LDLRAD4: variants seen among roughly 807,000 people sequenced by gnomAD.
LDLRAD4 encodes the protein low density lipoprotein receptor class A domain containing 4, also known as low-density lipoprotein receptor class A domain-containing protein 4.
A neutral mutation model predicts 17.0 loss-of-function variants in LDLRAD4; 5 were observed. That is an observed-to-expected ratio of 0.29 (90% confidence interval 0.15 to 0.62). The LOEUF (loss-of-function observed/expected upper bound fraction) is 0.62, where lower values mean the gene tolerates loss of function less well. LDLRAD4 is among the 20% of genes least tolerant of loss of function. The pLI is 0.84. For missense variants in LDLRAD4, 340 were observed against 424.7 expected (o/e 0.80, Z 1.75); for synonymous variants, 168 against 171.8 (o/e 0.98, Z 0.17).
At chr18:13,601,569 G>A (rs2095162068) in intron 3 of LDLRAD4, among the ~76,000 whole-genome samples, 1 of 151,514 alleles carries the variant, frequency 6.6e-6, no homozygotes, top group Admixed American at 6.6e-5. Flanking sequence ...CAGGAGAATG[G>A]CATGAACCCG....
At chr18:13,473,630 C>T (rs1323880434) in intron 3 of LDLRAD4, among the ~76,000 whole-genome samples, 1 of 85,282 alleles carries the variant, frequency 1.2e-5, no homozygotes, top group Non-Finnish European at 2.3e-5. Flanking sequence ...CAGTAAGATC[C>T]CATCTCATAT....
In LDLRAD4 at chr18:13,580,554, G is replaced by A. The variant is rs138312198; in HGVS notation, c.182-40563G>A. On this transcript the variant is annotated intron_variant, in intron 3 of 5. Coordinates refer to ENST00000359446, the Ensembl canonical transcript of LDLRAD4. The stretch of plus-strand genomic sequence containing the variant: ...GATCAGTTTGAATGGCAATGAGAAC[G>A]TCCCACCTCAGCCATCTGCAGGACT... Among the ~76,000 whole-genome samples the A allele has an allele frequency of 2.7e-3, 405 of 152,258 alleles. 3 individuals are homozygous for A. Among genetic ancestry groups the A allele is most frequent in the African/African-American group, 9.2e-3 (381 of 41,558 alleles).
intron 3 of LDLRAD4, among the ~76,000 whole-genome samples, chr18:13,542,099 C>A (rs2094292426): frequency 1.3e-5 from 2 of 152,164 alleles, no homozygotes; most frequent in Non-Finnish European, 2.9e-5. Flanking sequence ...AGGTCACTCT[C>A]TACTCAAGTT....
At chr18:13,524,733 T>C (rs1487268419) in intron 3 of LDLRAD4, among the ~76,000 whole-genome samples, 1 of 152,222 alleles carries the variant, frequency 6.6e-6, no homozygotes, top group African/African-American at 2.4e-5. Context: ...TGTGCGTATT[T>C]CAGCTCCCTG....
At chr18:13,321,817 C>T (rs1418197520) in intron 1 of LDLRAD4, among the ~76,000 whole-genome samples, 2 of 130,268 alleles carry the variant, frequency 1.5e-5, no homozygotes, top group African/African-American at 3.1e-5. Context: ...GCCGAGATCG[C>T]GCCATTGCAC....
chr18:13,503,731 A>T (rs1353903842), intron 3 of LDLRAD4, among the ~76,000 whole-genome samples: 1 of 151,814 alleles, frequency 6.6e-6, no homozygotes, highest in Non-Finnish European at 1.5e-5. Flanking sequence ...CAGGCCTCAT[A>T]GGCTGTACAT....
intron 4 of LDLRAD4, among the ~76,000 whole-genome samples, chr18:13,637,802 G>A (rs921436368): frequency 1.9e-4 from 29 of 151,128 alleles, no homozygotes; most frequent in African/African-American, 6.6e-4. Flanking sequence ...GGAGGCGGAG[G>A]TTGCAGTGAG....
intron 1 of LDLRAD4, among the ~76,000 whole-genome samples, chr18:13,369,650 A>G (rs906396187): frequency 6.6e-6 from 1 of 152,192 alleles, no homozygotes; most frequent in African/African-American, 2.4e-5. Flanking sequence ...CAGAGAAGTG[A>G]TCTGAGCAGA....
intron 3 of LDLRAD4, among the ~76,000 whole-genome samples, chr18:13,568,409 C>T (rs1191896532): frequency 6.6e-6 from 1 of 152,174 alleles, no homozygotes; most frequent in African/African-American, 2.4e-5. Flanking sequence ...TCTCCCAGCA[C>T]TTAGTGTCCA....
intron 3 of LDLRAD4, chr18:13,501,262 A>G (rs916117028): frequency 8.6e-6 from 1 of 116,272 alleles, no homozygotes; most frequent in Non-Finnish European, 2.1e-5. Context: ...CATAATAACA[A>G]TAATAAAACT....
chr18:13,248,263 A>G (rs1038139750), intron 1 of LDLRAD4, among the ~76,000 whole-genome samples: 2 of 152,238 alleles, frequency 1.3e-5, no homozygotes, highest in Non-Finnish European at 2.9e-5. Flanking sequence ...GCCCGGCCAT[A>G]GCCCCACTTT....
chr18:13,270,142 C>T (rs2044446084), intron 1 of LDLRAD4, among the ~76,000 whole-genome samples: 1 of 152,064 alleles, frequency 6.6e-6, no homozygotes, highest in East Asian at 1.9e-4. Flanking sequence ...GTGGGATGAT[C>T]TCTTGATCCC....
At chr18:13,353,704 T>C (rs1383373662) in intron 1 of LDLRAD4, among the ~76,000 whole-genome samples, 2 of 152,178 alleles carry the variant, frequency 1.3e-5, no homozygotes, top group African/African-American at 4.8e-5. Context: ...TCTACTCCCT[T>C]CAGAGGGAGG....
chr18:13,521,048 C>T (rs1178763643), intron 3 of LDLRAD4: 4 of 152,194 alleles, frequency 2.6e-5, no homozygotes, highest in African/African-American at 9.7e-5. Flanking sequence ...TCAGAAAGCC[C>T]GTTAGACTTT....
At chr18:13,222,323 T>C (rs1339519188) in intron 1 of LDLRAD4, among the ~76,000 whole-genome samples, 1 of 150,364 alleles carries the variant, frequency 6.7e-6, no homozygotes. Context: ...TTTTCTTCCT[T>C]TTTTTTTTGG....
chr18:13,426,888 G>C (rs2089977810), intron 2 of LDLRAD4, among the ~76,000 whole-genome samples: 1 of 152,184 alleles, frequency 6.6e-6, no homozygotes, highest in Non-Finnish European at 1.5e-5. Flanking sequence ...AGTGAGGTTT[G>C]AGATCTCAGA....
intron 5 of LDLRAD4, 138 bp from the exon 7 acceptor site, chr18:13,644,989 T>G: frequency 1.6e-6 from 1 of 642,134 alleles, no homozygotes; most frequent in Non-Finnish European, 2.4e-6. Context: ...GATTTTCCTG[T>G]TTTCTTTTTT....
At chr18:13,415,677 C>T (rs903320325) in intron 2 of LDLRAD4, among the ~76,000 whole-genome samples, 1 of 152,224 alleles carries the variant, frequency 6.6e-6, no homozygotes, top group South Asian at 2.1e-4. Flanking sequence ...ACCTCACCCC[C>T]CCAGGACGGT....
intron 3 of LDLRAD4, among the ~76,000 whole-genome samples, chr18:13,466,138 A>G (rs2092608432): frequency 6.6e-6 from 1 of 152,180 alleles, no homozygotes; most frequent in Admixed American, 6.5e-5. Flanking sequence ...ATAGTTTGCA[A>G]TTAGTTGTCT....
Sources: allele counts gnomAD v4.1 joint callset (sites outside exome capture counted in the v4.1 genomes callset), GRCh38; gene constraint gnomAD v4.1.1; transcripts MANE v1.5; gene names NCBI Gene and HGNC (gene_info 2026-07-23, HGNC 2026-07-21).